The following LAMC3 variants were observed in gnomAD, a reference collection of about 807,000 sequenced individuals.
The protein encoded by LAMC3 is laminin subunit gamma-3.
A neutral mutation model predicts 173.8 loss-of-function variants in LAMC3; 128 were observed. The observed-to-expected ratio is 0.74, with a 90% CI of 0.64 to 0.85. LAMC3 has a LOEUF of 0.85. Among genes scored for constraint, LAMC3 ranks in the 40% least tolerant of loss-of-function variants. The pLI is 0.00. For synonymous variants in LAMC3, 897 were observed against 909.1 expected, an observed-to-expected ratio of 0.99 and a Z score of 0.24; for missense variants, 2,022 against 2,156.0, an observed-to-expected ratio of 0.94 and a Z score of 1.23.
chr9:131,062,468 A>C (rs1655919096), intron 13 of LAMC3, among the ~76,000 whole-genome samples: 1 of 152,206 alleles, frequency 6.6e-6, no homozygotes, highest in African/African-American at 2.4e-5. Flanking sequence ...AACCATTTCT[A>C]AGTGCATAAC....
intron 7 of LAMC3, among the ~76,000 whole-genome samples, chr9:131,045,231 A>C (rs373203447): frequency 1.2e-3 from 145 of 117,868 alleles, no homozygotes; most frequent in South Asian, 4.3e-3. Context: ...CAAAAAAAAA[A>C]AAAAACAACA....
intron 7 of LAMC3, 118 bp from the exon 8 acceptor site, chr9:131,045,406 T>C: frequency 8.5e-7 from 1 of 1,173,604 alleles, no homozygotes; most frequent in Middle Eastern, 2.7e-4. Context: ...GAAAAAAAAT[T>C]GTTTTTAAGT....
intron 20 of LAMC3, 81 bp from the exon 21 acceptor site, chr9:131,075,750 G>A: frequency 1.3e-6 from 2 of 1,483,454 alleles, no homozygotes; most frequent in South Asian, 1.2e-5. Flanking sequence ...CAGGAGGCCT[G>A]TGTAGTAGGG....
chr9:131,049,206 G>C, intron 9 of LAMC3, 76 bp downstream of exon 9: 1 of 856,894 alleles, frequency 1.2e-6, no homozygotes, highest in Non-Finnish European at 2.0e-6. Context: ...CCGCATATTA[G>C]AGGCTGAAAA....
intron 9 of LAMC3, among the ~76,000 whole-genome samples, chr9:131,051,819 G>A (rs1211418250): frequency 2.3e-5 from 1 of 42,664 alleles, no homozygotes; most frequent in Non-Finnish European, 5.3e-5. Context: ...GAGGAGGGAG[G>A]GTACTGGGAA....
In LAMC3 at chr9:131,018,527, T is replaced by C. The variant is rs187281337; in HGVS notation, c.374-7758T>C. On this transcript the variant is annotated intron_variant, in intron 1 of 27. Coordinates refer to ENST00000361069, the MANE Select transcript of LAMC3 (RefSeq NM_006059.4). Reference sequence around the variant, plus strand: ...AGGGGCCAATGAGGCTTCTGGGTGATTGAGACAGCTGTGTTCCTATCAGGA... The same window carrying C: ...AGGGGCCAATGAGGCTTCTGGGTGACTGAGACAGCTGTGTTCCTATCAGGA... 3.9e-5 allele frequency among the ~76,000 whole-genome samples: 6 copies of C among 152,234 alleles called. No homozygotes were observed. The East Asian group carries it at 1.2e-3, about 29-fold the overall frequency.
chr9:131,055,423 C>CTTT (rs56220728), intron 11 of LAMC3, among the ~76,000 whole-genome samples: 2,569 of 109,174 alleles, frequency 0.024, 158 homozygotes, highest in African/African-American at 0.037. Flanking sequence ...TCTTTTCTTT[C>CTTT]TTTTTTTTTT....
intron 16 of LAMC3, 26 bp downstream of exon 16, chr9:131,069,076 C>T (rs1187647847): frequency 1.2e-6 from 2 of 1,612,366 alleles, no homozygotes; most frequent in African/African-American, 1.3e-5. Context: ...CCTTCCCGGG[C>T]TGCCCTGAGG....
Position 131,026,556 on chromosome 9 carries a change from C to T in LAMC3, c.645C>T (p.Ser215=), listed in dbSNP as rs370557872. The part of the protein sequence containing the change: ...VAFSTLEGRP[S]AYNFEESPGL... ...TCTCCACCCTGGAGGGCCGGCCCAG[C>T]GCCTACAACTTCGAGGAGAGCCCTG... The change falls in exon 2 of 28, where the codon AGC becomes AGT. Residue 215 remains serine, a synonymous_variant. Transcript: ENST00000361069. The surrounding 1 kb of genome is among the most constrained non-coding windows in gnomAD (Gnocchi z 4.8). 11 of 1,606,608 alleles carry T rather than the reference C, an allele frequency of 6.8e-6. No individual in the cohort carries two copies. Among genetic ancestry groups the T allele is most frequent in the African/African-American group, 2.7e-5 (2 of 74,850 alleles).
Position 131,079,175 on chromosome 9 carries a change from G to C in LAMC3, c.3804G>C (p.Leu1268=), listed in dbSNP as rs1423729072. ...CTCAGAAGTCCCGGGCTGAAGACCT[G>C]GGCCTGAAGGCGAAGGCCCTGGAGA... The part of the protein sequence containing the change: ...ALPQKSRAED[L]GLKAKALEKT... Residue 1268 remains leucine, a synonymous_variant, in exon 23 of 28, where the codon CTG becomes CTC. Coordinates refer to ENST00000361069, the MANE Select transcript of LAMC3 (RefSeq NM_006059.4). The C allele has an allele frequency of 8.7e-6, 14 of 1,613,728 alleles. No homozygotes were observed. Among genetic ancestry groups the C allele is most frequent in the Non-Finnish European group, 1.2e-5 (14 of 1,179,900 alleles).
At chr9:131,062,761 C>T (rs1011335185) in intron 13 of LAMC3, among the ~76,000 whole-genome samples, 2 of 151,674 alleles carry the variant, frequency 1.3e-5, no homozygotes, top group African/African-American at 2.4e-5. Flanking sequence ...CCCAGCTACT[C>T]GGGAGGCTGA....
chr9:131,032,804 G>A (rs752090030), intron 3 of LAMC3, among the ~76,000 whole-genome samples: 1 of 152,198 alleles, frequency 6.6e-6, no homozygotes, highest in African/African-American at 2.4e-5. Context: ...AAGTAGCTGG[G>A]ATTACAGGCA....
intron 24 of LAMC3, among the ~76,000 whole-genome samples, chr9:131,082,723 A>G (rs1830262281): frequency 3.3e-5 from 5 of 152,168 alleles, no homozygotes; most frequent in Admixed American, 3.3e-4. Context: ...CTTCTGTGAT[A>G]CCCAATTTGC....
In LAMC3 at chr9:131,067,090, C is replaced by T. The variant is rs749344293; in HGVS notation, c.2478C>T (p.Pro826=). 11 of 1,614,144 alleles carry T rather than the reference C, an allele frequency of 6.8e-6. No individual in the cohort carries two copies. In the South Asian group the frequency reaches 8.8e-5, roughly 13 times the overall value. Residue 826 remains proline (P), a synonymous_variant, in exon 14 of 28, where the codon CCC becomes CCT. Transcript: ENST00000361069. ...CCAATGCCGTGGGCAACTGTGACCCCCTGTCTGGCCACTGCCTGCGCTGCC... is the reference window on the plus strand; with the variant it reads ...CCAATGCCGTGGGCAACTGTGACCCTCTGTCTGGCCACTGCCTGCGCTGCC... The part of the protein sequence containing the change: ...VDPNAVGNCD[P]LSGHCLRCLH...
At chr9:131,038,815 C>A (rs1362696538) in intron 4 of LAMC3, 49 bp from the exon 5 acceptor site, 1 of 1,583,384 alleles carries the variant, frequency 6.3e-7, no homozygotes, top group Non-Finnish European at 8.6e-7. Flanking sequence ...ATGCAGCCTC[C>A]TACCACATCA....
Position 131,087,763 on chromosome 9 carries a change from C to G in LAMC3, c.4423C>G (p.Arg1475Gly), listed in dbSNP as rs747672513. The G allele has an allele frequency of 3.7e-6, 6 of 1,614,134 alleles. 1 individual carries two copies. In the South Asian group the frequency reaches 6.6e-5, roughly 18 times the overall value. ...GATGGAGCAGCAGATCCGGGAATCG[C>G]GTATCTCACTGGAGAAGGACATCGA... is the stretch of plus-strand genomic sequence containing the variant. Reference protein sequence around the residue: ...SEMEQQIRESRISLEKDIETL... With the variant: ...SEMEQQIRESGISLEKDIETL... Residue 1475 changes from arginine (R) to glycine (G), a missense_variant, in exon 27 of 28, where the codon CGT (arginine) becomes GGT (glycine). Arg to Gly is a moderately radical substitution (Grantham distance 125, BLOSUM62 -2). Coordinates refer to ENST00000361069, the MANE Select transcript of LAMC3 (RefSeq NM_006059.4).
chr9:131,071,739 GGC>G, intron 18 of LAMC3, 114 bp downstream of exon 18: 2 of 1,091,020 alleles, frequency 1.8e-6, no homozygotes, highest in Non-Finnish European at 2.5e-6. Context: ...TGTTGCCATG[GGC>G]CTTTACTTCC....
rs1297184591 is a variant in LAMC3, at chr9:131,013,079, C to A, written c.373+3492C>A. Reference sequence around the variant, plus strand: ...GGGGTACAGACCATTCCGGGGCTCTCACCGTGTACCAAGGACTCGCCCAGG... The same window carrying A: ...GGGGTACAGACCATTCCGGGGCTCTAACCGTGTACCAAGGACTCGCCCAGG... On this transcript the variant is annotated intron_variant, in intron 1 of 27. Transcript: ENST00000361069. Among the ~76,000 whole-genome samples, 7 of 152,240 alleles carry A rather than the reference C, an allele frequency of 4.6e-5. No individual in the cohort carries two copies. In the East Asian group the frequency reaches 1.3e-3, roughly 29 times the overall value.
At position 131,068,358 on chromosome 9, in the gene LAMC3, C is replaced by T; in HGVS notation, c.2747+127C>T. On this transcript the variant is annotated intron_variant, in intron 15 of 27. Coordinates refer to ENST00000361069, the MANE Select transcript of LAMC3 (RefSeq NM_006059.4). ...AGGCCCACTGCCAGGCACATTGTGC[C>T]CTTTGCCGAAGGGGAGCAAAGGGAT... 3 of 985,370 alleles carry T rather than the reference C, an allele frequency of 3.0e-6. No homozygotes were observed. The South Asian group carries it at 4.9e-5, about 16-fold the overall frequency. 61.0% of individuals were successfully genotyped at this position (985,370 alleles called of 1,614,324 possible).
Sources: gnomAD v4.1 joint callset for allele counts (sites outside exome capture counted in the v4.1 genomes callset) on GRCh38, gnomAD v4.1.1 for gene constraint, Gnocchi (gnomAD v3.1) non-coding constraint, MANE v1.5 for transcripts, NCBI Gene and HGNC (gene_info 2026-07-23, HGNC 2026-07-21) for gene names.